The following GGNBP2 variants were observed in gnomAD, a reference collection of about 807,000 sequenced individuals.
The protein encoded by GGNBP2 is gametogenetin binding protein 2.
A neutral mutation model predicts 85.9 loss-of-function variants in GGNBP2; 10 were observed. That is an observed-to-expected ratio of 0.12 (90% CI 0.07 to 0.20). The LOEUF (loss-of-function observed/expected upper bound fraction) is 0.20, where lower values mean the gene tolerates loss of function less well. Ranked by LOEUF, GGNBP2 falls within the 10% of genes least tolerant of loss-of-function variation. The probability of loss-of-function intolerance (pLI) is 1.00; values close to 1 mark genes in which losing one functional copy is unlikely to be tolerated. For synonymous variants in GGNBP2, 287 were observed against 285.7 expected (o/e 1.00, Z -0.05); for missense variants, 595 against 857.8 (o/e 0.69, Z 3.83).
intron 5 of GGNBP2, among the ~76,000 whole-genome samples, chr17:36,566,516 A>C (rs569026613): frequency 6.6e-6 from 1 of 151,954 alleles, no homozygotes; most frequent in South Asian, 2.1e-4. Flanking sequence ...AATACAAAAA[A>C]TAAAAAAATA....
At chr17:36,545,455 G>T in intron 1 of GGNBP2, 164 bp from the exon 2 acceptor site, 1 of 399,356 alleles carries the variant, frequency 2.5e-6, no homozygotes, top group East Asian at 3.7e-5. Flanking sequence ...CGAGGGGGGC[G>T]GGTCCCGGCG....
intron 2 of GGNBP2, 42 bp downstream of exon 2, chr17:36,545,859 A>G (rs1367318378): frequency 1.4e-6 from 2 of 1,408,196 alleles, no homozygotes; most frequent in East Asian, 5.0e-5. Flanking sequence ...CTCCCCTGGC[A>G]GCTGTTTCCC....
At chr17:36,588,602 T>TA (rs1196348760) in intron 13 of GGNBP2, among the ~76,000 whole-genome samples, 46 of 150,994 alleles carry the variant, frequency 3.0e-4, no homozygotes, top group African/African-American at 1.1e-3. Context: ...TAATATTTAT[T>TA]TATTTTTTTT....
At chr17:36,551,503 A>T (rs2074308600) in intron 2 of GGNBP2, among the ~76,000 whole-genome samples, 1 of 151,364 alleles carries the variant, frequency 6.6e-6, no homozygotes, top group African/African-American at 2.4e-5. Context: ...CGGCTTCTTT[A>T]TTGACTTCTT....
At position 36,589,496 on chromosome 17, in the gene GGNBP2, TTA is replaced by T. The variant is rs1303173118; in HGVS notation, c.*87_*88del. 1 of 993,534 alleles carries T rather than the reference TTA, an allele frequency of 1.0e-6. No homozygotes were observed. The highest frequency in any genetic ancestry group is 1.5e-6 in the Non-Finnish European group (1 of 651,052). The allele number at this position is 993,534 out of a possible 1,614,324, so 61.5% of individuals were successfully genotyped here. A position where few individuals can be genotyped will look rare whatever the true frequency, so the allele number is the denominator to read the frequency against. On this transcript the variant is annotated 3_prime_UTR_variant, in exon 14 of 14. Coordinates refer to ENST00000613102, the MANE Select transcript of GGNBP2 (RefSeq NM_024835.5). ...TTCGAAAAACTCTTAATTTAGTGAC[TTA>T]TGGCAAAATTTTATCTTAAATCAAT...
Position 36,575,632 on chromosome 17 carries a change from ATATATATATATATATATT to A in GGNBP2, c.642-2349_642-2332del, listed in dbSNP as rs1310718387. On this transcript the variant is annotated intron_variant, in intron 6 of 13. Coordinates refer to ENST00000613102, the MANE Select transcript of GGNBP2 (RefSeq NM_024835.5). ...ATGTAACATATATATATATATATAT[ATATATATATATATATATT>A]TTTTTTTTTTTTTGAGATGGAGTTT... Among the ~76,000 whole-genome samples, 279 of 45,420 alleles carry A rather than the reference ATATATATATATATATATT, an allele frequency of 6.1e-3. 7 individuals carry two copies. The East Asian group carries it at 0.071, about 12-fold the overall frequency. The allele number at this position is 45,420 out of a possible 152,430, so 29.8% of individuals were successfully genotyped here. A position where few individuals can be genotyped will look rare whatever the true frequency, so the allele number is the denominator to read the frequency against.
At chr17:36,573,360 G>A (rs546960978) in intron 6 of GGNBP2, among the ~76,000 whole-genome samples, 2 of 152,116 alleles carry the variant, frequency 1.3e-5, no homozygotes, top group South Asian at 2.1e-4. Flanking sequence ...TGATCCATTC[G>A]CCTCGGTCTC....
intron 5 of GGNBP2, among the ~76,000 whole-genome samples, chr17:36,566,355 A>G (rs2074468514): frequency 2.0e-5 from 3 of 152,062 alleles, no homozygotes; most frequent in Admixed American, 2.0e-4. Flanking sequence ...AGTTTTTAGT[A>G]AGTTTGTTAA....
At chr17:36,561,037 C>T (rs2074411606) in intron 5 of GGNBP2, among the ~76,000 whole-genome samples, 166 bp downstream of exon 5, 1 of 152,028 alleles carries the variant, frequency 6.6e-6, no homozygotes, top group Non-Finnish European at 1.5e-5. Context: ...GCCATTTTGC[C>T]TTGATATATA....
In GGNBP2 at chr17:36,578,093, G is replaced by T; in HGVS notation, c.752G>T (p.Arg251Leu). 2 of 1,614,128 alleles carry T rather than the reference G, an allele frequency of 1.2e-6. No homozygotes were observed. Among genetic ancestry groups the T allele is most frequent in the Non-Finnish European group, 1.7e-6 (2 of 1,180,012 alleles). Residue 251 changes from arginine (R) to leucine (L), a missense_variant, in exon 7 of 14, where the codon CGG becomes CTG. This residue lies in a region of GGNBP2 where 92 missense variants were observed against 183.9 expected (regional missense o/e 0.50). Coordinates refer to ENST00000613102, the MANE Select transcript of GGNBP2 (RefSeq NM_024835.5). ...TGTGCTGCACTTTATGAAGGCTTGC[G>T]GTGCTGTCCACATGAACGACACATA... Reference protein sequence around the residue: ...GYCAALYEGLRCCPHERHIHV... With the variant: ...GYCAALYEGLLCCPHERHIHV...
chr17:36,545,367 C>T, intron 1 of GGNBP2: 1 of 249,542 alleles, frequency 4.0e-6, no homozygotes, highest in African/African-American at 2.3e-5. Flanking sequence ...CAGGCCGGTC[C>T]CTTCCGCCTC....
chr17:36,555,780 T>G (rs926598841), intron 3 of GGNBP2, among the ~76,000 whole-genome samples: 5 of 152,246 alleles, frequency 3.3e-5, no homozygotes, highest in African/African-American at 1.2e-4. Context: ...TTATAGTACC[T>G]AATACAATGT....
At chr17:36,580,332 C>T (rs1398805557) in intron 8 of GGNBP2, among the ~76,000 whole-genome samples, 8 of 151,312 alleles carry the variant, frequency 5.3e-5, no homozygotes, top group East Asian at 2.0e-4. Context: ...CTCAGCCTCC[C>T]GAGTAGCTGG....
chr17:36,565,463 A>G (rs927239715), intron 5 of GGNBP2, among the ~76,000 whole-genome samples: 9 of 152,116 alleles, frequency 5.9e-5, no homozygotes, highest in Admixed American at 2.6e-4. Flanking sequence ...TTTTTTTAAA[A>G]AAAAAATGCC....
intron 6 of GGNBP2, among the ~76,000 whole-genome samples, chr17:36,569,419 A>G (rs562068577): frequency 3.0e-4 from 45 of 152,242 alleles, no homozygotes; most frequent in African/African-American, 1.1e-3. Context: ...AGAAAAAGCA[A>G]CTGGTAAGGT....
intron 2 of GGNBP2, among the ~76,000 whole-genome samples, chr17:36,552,886 G>A (rs755543608): frequency 1.3e-5 from 2 of 152,066 alleles, no homozygotes; most frequent in African/African-American, 2.4e-5. Context: ...ACCATGTTTG[G>A]TGGCAGGTGC....
intron 13 of GGNBP2, among the ~76,000 whole-genome samples, chr17:36,588,798 G>C (rs1279812273): frequency 1.3e-5 from 2 of 152,068 alleles, no homozygotes. Flanking sequence ...GGTTGTAAAA[G>C]TTTACTTCTT....
At chr17:36,584,961 A>AT (rs530663480) in intron 9 of GGNBP2, among the ~76,000 whole-genome samples, 29 of 152,240 alleles carry the variant, frequency 1.9e-4, no homozygotes, top group African/African-American at 6.0e-4. Context: ...TCAAAAAAAA[A>AT]AAAAAAGGAA....
intron 5 of GGNBP2, among the ~76,000 whole-genome samples, chr17:36,566,105 G>C (rs1482730836): frequency 6.6e-6 from 1 of 152,176 alleles, no homozygotes; most frequent in Non-Finnish European, 1.5e-5. Flanking sequence ...AAAGTTCAGA[G>C]GTTTTTCCGT....
Sources: allele counts gnomAD v4.1 joint callset (sites outside exome capture counted in the v4.1 genomes callset), GRCh38; gene constraint gnomAD v4.1.1; regional missense constraint gnomAD v4.1.1; transcripts MANE v1.5; gene names NCBI Gene and HGNC (gene_info 2026-07-23, HGNC 2026-07-21).